FMN1: variants seen among roughly 807,000 people sequenced by gnomAD.
FMN1 encodes formin 1, also known as formin-1.
A neutral mutation model predicts 132.4 loss-of-function variants in FMN1; 110 were observed. The observed-to-expected ratio is 0.83, with a 90% CI of 0.71 to 0.97. The LOEUF is 0.97. Ranked by LOEUF, FMN1 falls within the 50% of genes least tolerant of loss-of-function variation. The pLI, the probability that FMN1 is intolerant of heterozygous loss-of-function variation, is 0.00. For missense variants in FMN1, 1,792 were observed against 1,705.3 expected (o/e 1.05, Z -0.90); for synonymous variants, 722 against 651.7 (o/e 1.11, Z -1.64).
At chr15:32,804,109 G>A (rs2057575487) in intron 18 of FMN1, among the ~76,000 whole-genome samples, 172 bp downstream of exon 18, 1 of 152,116 alleles carries the variant, frequency 6.6e-6, no homozygotes, top group Non-Finnish European at 1.5e-5. Context: ...GTTGCCTAGG[G>A]ACAGGGGAGT....
chr15:33,069,513 AG>A lies in FMN1; in HGVS notation c.2044-4440del, dbSNP rs910433755. On this transcript the variant is annotated intron_variant, in intron 5 of 20. Coordinates refer to ENST00000616417, the MANE Select transcript of FMN1 (RefSeq NM_001277313.2). ...CTGCAAAATGGAAATGGTAGCCATAAGGAAAATGACAGTCTTGCTTTATCTG... is the reference window on the plus strand; with the variant it reads ...CTGCAAAATGGAAATGGTAGCCATAAGAAAATGACAGTCTTGCTTTATCTG... Among the ~76,000 whole-genome samples the A allele has an allele frequency of 5.9e-5, 9 of 152,354 alleles. No homozygotes were observed. The East Asian group carries it at 1.7e-3, about 29-fold the overall frequency.
At chr15:32,925,489 T>G (rs566941657) in intron 10 of FMN1, among the ~76,000 whole-genome samples, 1 of 152,228 alleles carries the variant, frequency 6.6e-6, no homozygotes, top group Admixed American at 6.5e-5. Flanking sequence ...TGTGGGGAAG[T>G]CTACAAGACA....
chr15:33,095,780 A>G (rs1004014732), intron 4 of FMN1, among the ~76,000 whole-genome samples: 12 of 152,192 alleles, frequency 7.9e-5, no homozygotes, highest in Non-Finnish European at 1.3e-4. Context: ...TCCAATTATT[A>G]TGAGGATGGT....
chr15:32,832,901 ATGT>A (rs1256008032), intron 17 of FMN1, among the ~76,000 whole-genome samples: 1 of 152,106 alleles, frequency 6.6e-6, no homozygotes, highest in Non-Finnish European at 1.5e-5. Flanking sequence ...TTGCCTTCTA[ATGT>A]TGTTTTGTGA....
intron 16 of FMN1, among the ~76,000 whole-genome samples, chr15:32,872,759 T>C (rs1324746808): frequency 6.6e-6 from 1 of 152,188 alleles, no homozygotes; most frequent in African/African-American, 2.4e-5. Context: ...CCCACATTGC[T>C]CCACCAGGAC....
At chr15:32,916,591 T>C (rs2060690698) in intron 10 of FMN1, among the ~76,000 whole-genome samples, 1 of 152,100 alleles carries the variant, frequency 6.6e-6, no homozygotes, top group Non-Finnish European at 1.5e-5. Flanking sequence ...CGGCTGACGG[T>C]GGTTTTGAGA....
At position 33,088,218 on chromosome 15, in the gene FMN1, T is replaced by A. The variant is rs1462240180; in HGVS notation, c.2043+581A>T. Among the ~76,000 whole-genome samples, 4 of 152,084 alleles carry A rather than the reference T, an allele frequency of 2.6e-5. No homozygotes were observed. The South Asian group carries it at 6.2e-4, about 24-fold the overall frequency. ...CAAAAACCTATTGAAATTAAAAAAA[T>A]TTAAAAAATTTAAAAAAAACTGCAG... On this transcript the variant is annotated intron_variant, in intron 5 of 20. Transcript: ENST00000616417.
intron 4 of FMN1, among the ~76,000 whole-genome samples, chr15:33,151,754 C>T (rs998073800): frequency 2.0e-5 from 3 of 151,662 alleles, no homozygotes; most frequent in Middle Eastern, 3.4e-3. Context: ...CCTCAGCATC[C>T]GACAGGAGAA....
At chr15:33,064,770 T>A (rs535417779) in intron 6 of FMN1, 187 bp downstream of exon 6, 4 of 430,156 alleles carry the variant, frequency 9.3e-6, no homozygotes, top group African/African-American at 6.1e-5. Context: ...TCATCTTTCA[T>A]CTTTCAGAGG....
At chr15:33,072,600 T>C (rs562768571) in intron 5 of FMN1, among the ~76,000 whole-genome samples, 1 of 152,254 alleles carries the variant, frequency 6.6e-6, no homozygotes, top group Admixed American at 6.5e-5. Context: ...AGATTGAAGG[T>C]GGAGCCAATT....
At chr15:32,860,954 G>A (rs1234484326) in intron 16 of FMN1, 1 of 152,194 alleles carries the variant, frequency 6.6e-6, no homozygotes, top group Non-Finnish European at 1.5e-5. Context: ...AAGCAGGAAA[G>A]ACATCTGTTT....
chr15:32,994,511 T>C (rs1413172336), intron 7 of FMN1, among the ~76,000 whole-genome samples: 1 of 152,144 alleles, frequency 6.6e-6, no homozygotes, highest in Non-Finnish European at 1.5e-5. Context: ...TTAGACCCCA[T>C]CAGAGCAGCT....
At chr15:32,873,392 G>A (rs902247686) in intron 16 of FMN1, among the ~76,000 whole-genome samples, 2 of 152,138 alleles carry the variant, frequency 1.3e-5, no homozygotes, top group South Asian at 2.1e-4. Context: ...TGGTATTAAC[G>A]GGAAGCCTCC....
intron 5 of FMN1, among the ~76,000 whole-genome samples, chr15:33,080,180 T>C (rs2038394079): frequency 6.6e-6 from 1 of 152,222 alleles, no homozygotes. Flanking sequence ...GTAGACTCTT[T>C]CATTGGCTTC....
At chr15:33,048,631 C>CAAAAAAAAAAAAAAAAAAAAAAAAAAA (rs768997793) in intron 6 of FMN1, among the ~76,000 whole-genome samples, 5 of 43,438 alleles carry the variant, frequency 1.2e-4, no homozygotes, top group African/African-American at 2.3e-4. Flanking sequence ...GGCAATTTAC[C>CAAAAAAAAAAAAAAAAAAAAAAAAAAA]AAAAAAAAAA....
intron 17 of FMN1, among the ~76,000 whole-genome samples, chr15:32,848,348 G>A (rs56092215): frequency 0.11 from 7,427 of 70,520 alleles, 310 homozygotes; most frequent in African/African-American, 0.18. Flanking sequence ...GTGTGTGTGC[G>A]TGCACACGTG....
At chr15:33,159,299 G>A (rs764256203) in intron 3 of FMN1, among the ~76,000 whole-genome samples, 4 of 152,220 alleles carry the variant, frequency 2.6e-5, no homozygotes, top group Admixed American at 6.5e-5. Context: ...TGACTGGGTA[G>A]ATTGTGGTGC....
At chr15:32,913,572 G>A (rs2060614780) in intron 10 of FMN1, among the ~76,000 whole-genome samples, 2 of 152,032 alleles carry the variant, frequency 1.3e-5, no homozygotes, top group South Asian at 4.2e-4. Flanking sequence ...ATCTCTCCAT[G>A]GCACAGAGGT....
chr15:33,110,287 C>G (rs1303753921), intron 4 of FMN1, among the ~76,000 whole-genome samples: 1 of 151,894 alleles, frequency 6.6e-6, no homozygotes, highest in East Asian at 1.9e-4. Context: ...CAGAATTGTT[C>G]ACAATAACTG....
Sources: gnomAD v4.1 joint callset for allele counts (sites outside exome capture counted in the v4.1 genomes callset) on GRCh38, gnomAD v4.1.1 for gene constraint, MANE v1.5 for transcripts, NCBI Gene and HGNC (gene_info 2026-07-23, HGNC 2026-07-21) for gene names.